CDKN2B-AS1: variants seen among roughly 807,000 people sequenced by gnomAD.
The protein encoded by CDKN2B-AS1 is CDKN2B and CDKN2A antisense cis and trans regulatory RNA 1.
chr9:22,045,095 T>G (rs1823054787), intron 1 of CDKN2B-AS1, among the ~76,000 whole-genome samples: 1 of 149,752 alleles, frequency 6.7e-6, no homozygotes, highest in Admixed American at 6.7e-5. Context: ...TAATATGTGG[T>G]CTCCCTATGC....
chr9:22,082,677 T>C (rs1282221827), intron 4 of CDKN2B-AS1, among the ~76,000 whole-genome samples: 3 of 152,372 alleles, frequency 2.0e-5, no homozygotes, highest in East Asian at 3.9e-4. Flanking sequence ...CATATAATTA[T>C]GTATATTTTA....
rs553676056 is a variant in CDKN2B-AS1, at chr9:22,011,083, G to T, written n.29+15922G>T. Among the ~76,000 whole-genome samples the T allele has an allele frequency of 2.9e-4, 44 of 152,250 alleles. 1 individual carries two copies. Among genetic ancestry groups the T allele is most frequent in the African/African-American group, 8.9e-4 (37 of 41,552 alleles). On this transcript the variant is annotated intron_variant and non_coding_transcript_variant, in intron 1 of 4. Transcript: ENST00000650946. Reference sequence around the variant, plus strand: ...AACTTTGGGTAGGGAAAACGTTGCCGGGGGCATTCGCGCTTACTAGCACCA... The same window carrying T: ...AACTTTGGGTAGGGAAAACGTTGCCTGGGGCATTCGCGCTTACTAGCACCA...
chr9:22,122,122 G>A (rs973390835), intron 4 of CDKN2B-AS1, among the ~76,000 whole-genome samples: 1 of 148,742 alleles, frequency 6.7e-6, no homozygotes, highest in Non-Finnish European at 1.5e-5. Context: ...ATACCTCATT[G>A]CAGCTTCAAT....
intron 1 of CDKN2B-AS1, chr9:22,008,987 A>G (rs377687208): frequency 4.3e-6 from 7 of 1,613,250 alleles, no homozygotes; most frequent in Non-Finnish European, 5.9e-6. Context: ...GGCCCGGATA[A>G]TCCACCGTTG....
rs1179680030 is a variant in CDKN2B-AS1, at chr9:22,039,703, T to C, written n.30-7048T>C. ...CAATTAGCTATGGCACACTGCACGG[T>C]TTTTCTGACCTCTCAGCTCCTAAAT... On this transcript the variant is annotated intron_variant and non_coding_transcript_variant, in intron 1 of 4. Coordinates refer to ENST00000650946, the Ensembl canonical transcript of CDKN2B-AS1. The surrounding 1 kb of genome is among the most constrained non-coding windows in gnomAD (Gnocchi z 4.4). 6.6e-6 allele frequency among the ~76,000 whole-genome samples: 1 copy of C among 151,848 alleles called. No individual in the cohort carries two copies. Among genetic ancestry groups the C allele is most frequent in the African/African-American group, 2.4e-5 (1 of 41,360 alleles).
intron 1 of CDKN2B-AS1, among the ~76,000 whole-genome samples, chr9:22,031,611 T>C (rs573353099): frequency 1.3e-5 from 2 of 152,306 alleles, no homozygotes; most frequent in African/African-American, 4.8e-5. Context: ...TGTGGTAATT[T>C]GAATATAGGT....
At chr9:22,012,525 A>G (rs925051564) in intron 1 of CDKN2B-AS1, 12 of 631,668 alleles carry the variant, frequency 1.9e-5, no homozygotes, top group South Asian at 7.0e-5. Flanking sequence ...CTGCACCCCA[A>G]GAAGGTCAAA....
chr9:22,096,767 T>C (rs938076439), intron 4 of CDKN2B-AS1, among the ~76,000 whole-genome samples: 1 of 152,238 alleles, frequency 6.6e-6, no homozygotes, highest in Non-Finnish European at 1.5e-5. Flanking sequence ...ATTTCAAGAC[T>C]CAGAGATTTA....
At chr9:22,003,278 A>C (rs548134818) in intron 1 of CDKN2B-AS1, 1 of 208,282 alleles carries the variant, frequency 4.8e-6, no homozygotes, top group Admixed American at 6.3e-5. Context: ...TGCTTTAAAT[A>C]AAAAAAACTA....
chr9:22,026,627 C>A lies in CDKN2B-AS1; in HGVS notation n.30-20124C>A, dbSNP rs73652824. On this transcript the variant is annotated intron_variant and non_coding_transcript_variant, in intron 1 of 4. Transcript: ENST00000650946. ...AAGTGGGGCCTGTAGACCTTCTCTGCTGATCTCGCTGGATTCAGCCTCTTT... is the reference window on the plus strand; with the variant it reads ...AAGTGGGGCCTGTAGACCTTCTCTGATGATCTCGCTGGATTCAGCCTCTTT... Among the ~76,000 whole-genome samples the A allele has an allele frequency of 2.0e-5, 3 of 152,164 alleles. No homozygotes were observed. In the East Asian group the frequency reaches 5.8e-4, roughly 29 times the overall value.
Position 22,109,885 on chromosome 9 carries a change from A to G in CDKN2B-AS1, n.439-17218A>G, listed in dbSNP as rs537208036. Among the ~76,000 whole-genome samples, 19 of 152,172 alleles carry G rather than the reference A, an allele frequency of 1.2e-4. No homozygotes were observed. The East Asian group carries it at 3.1e-3, about 25-fold the overall frequency. ...ACACTCATTTTCCCTTGCTCTCCCA[A>G]TGACCTCCCATCTTTCCTTCTATTT... On this transcript the variant is annotated intron_variant and non_coding_transcript_variant, in intron 4 of 4. Transcript: ENST00000650946.
intron 1 of CDKN2B-AS1, among the ~76,000 whole-genome samples, chr9:22,022,404 T>C (rs1460784633): frequency 6.6e-6 from 1 of 152,230 alleles, no homozygotes; most frequent in African/African-American, 2.4e-5. Flanking sequence ...TACCATTATG[T>C]AATGCGTTTC....
At chr9:22,126,315 T>C (rs1194571016) in intron 4 of CDKN2B-AS1, among the ~76,000 whole-genome samples, 1 of 152,210 alleles carries the variant, frequency 6.6e-6, no homozygotes, top group East Asian at 1.9e-4. Flanking sequence ...TCGTTTCCTC[T>C]GGAGAATAAA....
intron 1 of CDKN2B-AS1, chr9:22,009,028 T>G (rs1563917107): frequency 7.5e-6 from 12 of 1,597,530 alleles, no homozygotes; most frequent in Non-Finnish European, 1.0e-5. Flanking sequence ...CTTCCCTTCT[T>G]TCCCACGCTG....
intron 1 of CDKN2B-AS1, among the ~76,000 whole-genome samples, chr9:22,023,851 T>G (rs1822114717): frequency 6.6e-6 from 1 of 152,212 alleles, no homozygotes; most frequent in South Asian, 2.1e-4. Context: ...TTATTAGAAT[T>G]TTTAGTTCCT....
At chr9:22,127,632 A>C (rs970102418) in exon 5 of CDKN2B-AS1, among the ~76,000 whole-genome samples, 4 of 152,082 alleles carry the variant, frequency 2.6e-5, no homozygotes, top group African/African-American at 9.7e-5. Context: ...TCCACTGAGG[A>C]TCTCTGGGCG....
chr9:22,016,936 A>G (rs1299286129), intron 1 of CDKN2B-AS1, among the ~76,000 whole-genome samples: 5 of 152,366 alleles, frequency 3.3e-5, no homozygotes, highest in South Asian at 2.1e-4. Context: ...ATCAAGCTCT[A>G]TCTTTGGCCA....
chr9:22,118,232 T>C (rs995211100), intron 4 of CDKN2B-AS1: 2 of 152,088 alleles, frequency 1.3e-5, no homozygotes, highest in South Asian at 2.1e-4. Flanking sequence ...CTCACTCTTA[T>C]GCTAACATGT....
Position 22,108,417 on chromosome 9 carries a change from C to T in CDKN2B-AS1, n.439-18686C>T, listed in dbSNP as rs766293058. 5.9e-5 allele frequency among the ~76,000 whole-genome samples: 9 copies of T among 152,010 alleles called. No homozygotes were observed. The South Asian group carries it at 1.0e-3, about 17-fold the overall frequency. ...AAGTAGTTATTGGTGAGATCGGGCACGTTCAGGGTGGTATGGCCATAGACA... is the reference window on the plus strand; with the variant it reads ...AAGTAGTTATTGGTGAGATCGGGCATGTTCAGGGTGGTATGGCCATAGACA... On this transcript the variant is annotated intron_variant and non_coding_transcript_variant, in intron 4 of 4. Transcript: ENST00000650946.
Sources: allele counts gnomAD v4.1 joint callset (sites outside exome capture counted in the v4.1 genomes callset), GRCh38; gene constraint gnomAD v4.1.1; non-coding constraint Gnocchi (gnomAD v3.1); transcripts MANE v1.5; gene names NCBI Gene and HGNC (gene_info 2026-07-23, HGNC 2026-07-21).